PDE4D: variants seen among roughly 807,000 people sequenced by gnomAD.
PDE4D encodes 3',5'-cyclic-AMP phosphodiesterase 4D.
Under a neutral mutation model 87.4 loss-of-function variants are expected in PDE4D, and 24 were observed. That is an observed-to-expected ratio of 0.27 (90% CI 0.20 to 0.39). The LOEUF (loss-of-function observed/expected upper bound fraction) is 0.39, where lower values mean the gene tolerates loss of function less well. Ranked by LOEUF, PDE4D falls within the 10% of genes least tolerant of loss-of-function variation. PDE4D has a pLI of 1.00. For synonymous variants in PDE4D, 384 were observed against 383.2 expected (o/e 1.00, Z -0.02); for missense variants, 714 against 1,041.0 (o/e 0.69, Z 4.32).
At chr5:59,295,874 C>T (rs1768984975) in intron 1 of PDE4D, among the ~76,000 whole-genome samples, 1 of 151,378 alleles carries the variant, frequency 6.6e-6, no homozygotes, top group African/African-American at 2.4e-5. Context: ...CTTTGGAATG[C>T]TGATGGACAG....
chr5:60,268,987 C>T lies in PDE4D; in HGVS notation c.-89-83300G>A, dbSNP rs190654091. ...TGTTATTGAGCCACTCAGAAATAACCACTGCTAACATTCATATATACATAA... is the reference window on the plus strand; with the variant it reads ...TGTTATTGAGCCACTCAGAAATAACTACTGCTAACATTCATATATACATAA... On this transcript the variant is annotated intron_variant, in intron 1 of 16. Transcript: ENST00000502484. Among the ~76,000 whole-genome samples the T allele has an allele frequency of 3.9e-5, 6 of 152,170 alleles. No homozygotes were observed. The East Asian group carries it at 1.2e-3, about 29-fold the overall frequency.
At chr5:60,044,146 G>T (rs1334716525) in intron 2 of PDE4D, among the ~76,000 whole-genome samples, 1 of 151,804 alleles carries the variant, frequency 6.6e-6, no homozygotes, top group Non-Finnish European at 1.5e-5. Context: ...ATAGCTAAAA[G>T]AGGAGAATTG....
chr5:59,461,181 T>TA (rs982128098), intron 1 of PDE4D, among the ~76,000 whole-genome samples: 68 of 148,678 alleles, frequency 4.6e-4, no homozygotes, highest in African/African-American at 1.4e-3. Context: ...AAATTTTAGG[T>TA]AAAAAAAAAA....
chr5:59,486,763 T>C (rs1177552772), intron 1 of PDE4D, among the ~76,000 whole-genome samples: 1 of 152,146 alleles, frequency 6.6e-6, no homozygotes, highest in South Asian at 2.1e-4. Context: ...ACAAAGTACA[T>C]AGGAGACATG....
chr5:60,008,500 GAC>G (rs1764701500), intron 2 of PDE4D, among the ~76,000 whole-genome samples: 1 of 152,024 alleles, frequency 6.6e-6, no homozygotes, highest in Non-Finnish European at 1.5e-5. Context: ...TTCTTCACGT[GAC>G]ACAGTTTGGA....
intron 1 of PDE4D, among the ~76,000 whole-genome samples, chr5:60,361,434 T>C (rs534496318): frequency 9.2e-5 from 14 of 152,214 alleles, no homozygotes; most frequent in Non-Finnish European, 1.9e-4. Flanking sequence ...GGTAACTACA[T>C]GAGGAAAATA....
intron 1 of PDE4D, among the ~76,000 whole-genome samples, chr5:59,723,774 T>G (rs1351477797): frequency 6.6e-6 from 1 of 152,174 alleles, no homozygotes; most frequent in African/African-American, 2.4e-5. Flanking sequence ...CAAACTAATA[T>G]TGAATGCATT....
intron 1 of PDE4D, among the ~76,000 whole-genome samples, chr5:59,395,659 C>T (rs1789256154): frequency 7.0e-6 from 1 of 142,604 alleles, no homozygotes. Flanking sequence ...ACTGGAAACT[C>T]TAAAAATCAG....
At chr5:60,210,255 T>C (rs956989276) in intron 1 of PDE4D, among the ~76,000 whole-genome samples, 1 of 152,078 alleles carries the variant, frequency 6.6e-6, no homozygotes, top group African/African-American at 2.4e-5. Flanking sequence ...TCCATTAATG[T>C]TGGCAAAGAT....
chr5:59,614,793 G>A lies in PDE4D; in HGVS notation c.455+278375C>T, dbSNP rs562434842. Among the ~76,000 whole-genome samples, 4 of 151,756 alleles carry A rather than the reference G, an allele frequency of 2.6e-5. No homozygotes were observed. The South Asian group carries it at 8.3e-4, about 32-fold the overall frequency. ...TAAATTGATACATCCTCAGGCAACT[G>A]TGCTGATATTCAAATTTAGTTATTC... On this transcript the variant is annotated intron_variant, in intron 1 of 14. Coordinates refer to ENST00000340635, the MANE Select transcript of PDE4D (RefSeq NM_001104631.2).
chr5:59,842,429 C>G (rs769783270), intron 1 of PDE4D, among the ~76,000 whole-genome samples: 1 of 151,938 alleles, frequency 6.6e-6, no homozygotes, highest in African/African-American at 2.4e-5. Context: ...TGAAATAAAA[C>G]GTGAAGTGAT....
chr5:60,203,080 CT>C (rs1177408428), intron 1 of PDE4D, among the ~76,000 whole-genome samples: 4 of 152,314 alleles, frequency 2.6e-5, no homozygotes, highest in Non-Finnish European at 1.5e-5. Context: ...TCAAGTGATT[CT>C]TCTGCCTAGC....
rs888677267 is a variant in PDE4D, at chr5:59,673,440, A to G, written c.455+219728T>C. On this transcript the variant is annotated intron_variant, in intron 1 of 14. Transcript: ENST00000340635. Reference sequence around the variant, plus strand: ...TTTTGTCCTCAGTAATGATTATTTCAATATACTGTTTACAAACCCAATCGT... The same window carrying G: ...TTTTGTCCTCAGTAATGATTATTTCGATATACTGTTTACAAACCCAATCGT... 5.9e-5 allele frequency among the ~76,000 whole-genome samples: 9 copies of G among 152,218 alleles called. No homozygotes were observed. The South Asian group carries it at 1.9e-3, about 32-fold the overall frequency.
intron 1 of PDE4D, among the ~76,000 whole-genome samples, chr5:59,858,067 G>T (rs1235451305): frequency 6.6e-6 from 1 of 152,052 alleles, no homozygotes. Context: ...CAAGCAGGTA[G>T]GCTGGGTTGT....
intron 5 of PDE4D, among the ~76,000 whole-genome samples, chr5:59,043,357 A>C (rs780670229): frequency 6.6e-6 from 1 of 152,172 alleles, no homozygotes; most frequent in Non-Finnish European, 1.5e-5. Flanking sequence ...CCTTGGCTCT[A>C]CTAAAAATAC....
Position 60,104,019 on chromosome 5 carries a change from G to C in PDE4D, c.42+81538C>G, listed in dbSNP as rs1776543640. 2.0e-5 allele frequency among the ~76,000 whole-genome samples: 3 copies of C among 152,100 alleles called. No homozygotes were observed. The South Asian group carries it at 6.2e-4, about 32-fold the overall frequency. On this transcript the variant is annotated intron_variant, in intron 2 of 16. Transcript: ENST00000502484. The stretch of plus-strand genomic sequence containing the variant: ...GCCAGACAGTGGGCGCAGGACAGTG[G>C]GTGCAGCACACTGTGTGCGAGCCGA...
chr5:59,159,447 A>G (rs1261595146), intron 5 of PDE4D, among the ~76,000 whole-genome samples: 1 of 152,124 alleles, frequency 6.6e-6, no homozygotes, highest in Non-Finnish European at 1.5e-5. Flanking sequence ...TCTTTTGCAC[A>G]TGTACAATTA....
intron 1 of PDE4D, among the ~76,000 whole-genome samples, chr5:59,561,930 CAA>C (rs34711969): frequency 0.018 from 2,559 of 138,950 alleles, 31 homozygotes; most frequent in East Asian, 0.057. Context: ...GAAACGCTGT[CAA>C]AAAAAAAAAA....
At chr5:60,102,735 G>T (rs553172818) in intron 2 of PDE4D, among the ~76,000 whole-genome samples, 4 of 152,206 alleles carry the variant, frequency 2.6e-5, no homozygotes, top group African/African-American at 9.6e-5. Context: ...GAATTACTAA[G>T]AAAAGGGATG....
Sources: allele counts gnomAD v4.1 joint callset (sites outside exome capture counted in the v4.1 genomes callset), GRCh38; gene constraint gnomAD v4.1.1; transcripts MANE v1.5; gene names NCBI Gene and HGNC (gene_info 2026-07-23, HGNC 2026-07-21).